Variants in DNAJC7 observed in about 807,000 individuals in gnomAD.
The protein encoded by DNAJC7 is dnaJ homolog subfamily C member 7.
In DNAJC7, 18 loss-of-function variants were observed where a neutral mutation model predicts 67.4. The observed-to-expected ratio is 0.27, with a 90% CI of 0.18 to 0.40. The LOEUF is 0.40. DNAJC7 is among the 10% of genes least tolerant of loss of function. DNAJC7 has a pLI of 1.00. For synonymous variants in DNAJC7, 220 were observed against 207.8 expected (o/e 1.06, Z -0.50); for missense variants, 419 against 613.8 (o/e 0.68, Z 3.35).
intron 1 of DNAJC7, among the ~76,000 whole-genome samples, chr17:42,006,817 A>AAAAAAAAAAAAC (rs1567969054): frequency 8.1e-6 from 1 of 122,816 alleles, no homozygotes; most frequent in Non-Finnish European, 1.7e-5. Context: ...AAAAAAAAAA[A>AAAAAAAAAAAAC]AGTCCAGGCA....
Position 41,996,299 on chromosome 17 carries a change from T to G in DNAJC7, c.405+12A>C. The G allele has an allele frequency of 1.2e-6, 2 of 1,612,674 alleles. No individual in the cohort carries two copies. The highest frequency in any genetic ancestry group is 1.7e-6 in the Non-Finnish European group (2 of 1,179,478). On this transcript the variant is annotated intron_variant, in intron 4 of 13. Coordinates refer to ENST00000457167, the MANE Select transcript of DNAJC7 (RefSeq NM_003315.4). ...ACTGCCTCTTTTGACAGAAACAGGA[T>G]CAGACCCGTACCTCTTGTTGTGCCT...
At position 42,010,360 on chromosome 17, in the gene DNAJC7, C is replaced by T. The variant is rs983107306; in HGVS notation, c.77+6980G>A. Among the ~76,000 whole-genome samples the T allele has an allele frequency of 5.6e-4, 84 of 150,686 alleles. 1 individual carries two copies. Among genetic ancestry groups the T allele is most frequent in the Non-Finnish European group, 3.5e-4 (24 of 67,822 alleles). ...ATACAAAATTAGCCGGGCGTGGTGG[C>T]GCATGCCTGTAATTCCAGCTACTCA... On this transcript the variant is annotated intron_variant, in intron 1 of 13. Transcript: ENST00000457167.
intron 5 of DNAJC7, among the ~76,000 whole-genome samples, chr17:41,994,455 C>T (rs1305788566): frequency 5.7e-5 from 8 of 139,248 alleles, no homozygotes; most frequent in Non-Finnish European, 1.1e-4. Context: ...CGTTTGAACC[C>T]GGGAGGCGGA....
intron 1 of DNAJC7, among the ~76,000 whole-genome samples, chr17:42,007,194 T>G (rs1401179880): frequency 6.6e-6 from 1 of 152,190 alleles, no homozygotes; most frequent in African/African-American, 2.4e-5. Flanking sequence ...ATATCCCTTA[T>G]GCATTCCTCT....
intron 13 of DNAJC7, 103 bp from the exon 14 acceptor site, chr17:41,976,873 C>G (rs782582576): frequency 4.5e-5 from 65 of 1,430,090 alleles, no homozygotes; most frequent in Non-Finnish European, 6.0e-5. Flanking sequence ...CAAACTCAAA[C>G]ACAGAGAGAA....
At chr17:41,997,596 CA>C (rs1176700424) in intron 2 of DNAJC7, among the ~76,000 whole-genome samples, 1 of 151,998 alleles carries the variant, frequency 6.6e-6, no homozygotes, top group East Asian at 1.9e-4. Context: ...GACCCTGTCT[CA>C]AAAAACAAAC....
rs1481088754 is a variant in DNAJC7 at position 41,982,086 on chromosome 17, T to G, written c.1232-79A>C. ...AAAGTTTAAGAGAAAAACTACTTTCTGTCTAATTTTGGAATTTGGCACTTC... is the reference window on the plus strand; with the variant it reads ...AAAGTTTAAGAGAAAAACTACTTTCGGTCTAATTTTGGAATTTGGCACTTC... On this transcript the variant is annotated intron_variant, in intron 11 of 13. Coordinates refer to ENST00000457167, the MANE Select transcript of DNAJC7 (RefSeq NM_003315.4). 4.4e-6 allele frequency: 7 copies of G among 1,575,326 alleles called. No individual in the cohort carries two copies. In the East Asian group the frequency reaches 1.3e-4, roughly 30 times the overall value.
At chr17:41,994,749 A>C in intron 5 of DNAJC7, 121 bp downstream of exon 5, 1 of 752,868 alleles carries the variant, frequency 1.3e-6, no homozygotes, top group Non-Finnish European at 2.2e-6. Context: ...GCCTAATTTA[A>C]GTGATAATTT....
intron 5 of DNAJC7, among the ~76,000 whole-genome samples, chr17:41,992,251 C>T (rs1224545293): frequency 6.6e-6 from 1 of 152,156 alleles, no homozygotes; most frequent in Non-Finnish European, 1.5e-5. Context: ...TGGCTCACTG[C>T]AACCTCTGCC....
At chr17:41,977,836 A>G (rs1427531911) in intron 12 of DNAJC7, 1 of 153,168 alleles carries the variant, frequency 6.5e-6, no homozygotes, top group African/African-American at 2.4e-5. Flanking sequence ...CACACCTATA[A>G]TCCCAGTGCT....
intron 11 of DNAJC7, 26 bp downstream of exon 11, chr17:41,982,229 G>C: frequency 6.2e-7 from 1 of 1,613,326 alleles, no homozygotes; most frequent in Non-Finnish European, 8.5e-7. Flanking sequence ...TCTTCCCACT[G>C]AGCCCACTCC....
At chr17:42,017,179 G>A in intron 1 of DNAJC7, 161 bp downstream of exon 1, 2 of 1,541,434 alleles carry the variant, frequency 1.3e-6, no homozygotes, top group Admixed American at 2.0e-5. Flanking sequence ...CCCCAAGAGC[G>A]CCCCTTCAGG....
intron 1 of DNAJC7, among the ~76,000 whole-genome samples, chr17:42,008,511 G>A (rs566458076): frequency 1.7e-4 from 25 of 151,458 alleles, no homozygotes; most frequent in Admixed American, 1.3e-3. Context: ...CTAGGTTCAC[G>A]CCATTCTCCT....
intron 4 of DNAJC7, among the ~76,000 whole-genome samples, chr17:41,995,274 A>C (rs782572104): frequency 1.3e-5 from 2 of 152,230 alleles, no homozygotes; most frequent in African/African-American, 4.8e-5. Flanking sequence ...GATACAGTCA[A>C]GACTTCTTAA....
chr17:41,981,809 A>G, intron 12 of DNAJC7, 46 bp downstream of exon 12: 2 of 1,596,632 alleles, frequency 1.3e-6, no homozygotes, highest in Non-Finnish European at 8.5e-7. Context: ...AAATTCTAAC[A>G]TTCTACAGCT....
In DNAJC7 at chr17:41,976,576, C is replaced by T; in HGVS notation, c.*157G>A. On this transcript the variant is annotated 3_prime_UTR_variant, in exon 14 of 14. Transcript: ENST00000457167. ...CGGTCTTCGGCATTGGTTCCCTTTG[C>T]TCCACCCCACTCACAGAGACACAGG... 1.1e-5 allele frequency: 10 copies of T among 920,366 alleles called. No individual in the cohort carries two copies. Among genetic ancestry groups the T allele is most frequent in the Non-Finnish European group, 1.4e-5 (9 of 629,286 alleles). 57.0% of individuals were successfully genotyped at this position (920,366 alleles called of 1,614,324 possible).
chr17:41,996,346 C>G lies in DNAJC7; in HGVS notation c.370G>C (p.Glu124Gln), dbSNP rs781847550. The G allele has an allele frequency of 4.3e-6, 7 of 1,613,978 alleles. No homozygotes were observed. In the South Asian group the frequency reaches 7.7e-5, roughly 18 times the overall value. ...AACRSFQRAL[E>Q]LDHKNAQAQQ... is the part of the protein sequence containing the mutation. The stretch of plus-strand genomic sequence containing the variant: ...GCCTGAGCATTTTTATGATCCAGTT[C>G]TAGGGCTCTCTGGAAGCTGCGACAT... Residue 124 changes from glutamate (E) to glutamine (Q), a missense_variant, in exon 4 of 14, where the codon GAA becomes CAA. Physicochemically the swap from Glu to Gln is conservative, Grantham distance 29. This residue lies in a region of DNAJC7 where 179 missense variants were observed against 249.7 expected (regional missense o/e 0.72). Transcript: ENST00000457167.
chr17:42,011,969 C>T (rs553359953), intron 1 of DNAJC7, among the ~76,000 whole-genome samples: 9 of 152,304 alleles, frequency 5.9e-5, no homozygotes, highest in African/African-American at 1.9e-4. Flanking sequence ...AAGGCAAAAT[C>T]CTAATCGCAA....
intron 4 of DNAJC7, among the ~76,000 whole-genome samples, chr17:41,995,248 A>G (rs2051624191): frequency 6.6e-6 from 1 of 152,198 alleles, no homozygotes; most frequent in Non-Finnish European, 1.5e-5. Flanking sequence ...GACATTTCAC[A>G]AATCAAATTG....
Sources: gnomAD v4.1 joint callset for allele counts (sites outside exome capture counted in the v4.1 genomes callset) on GRCh38, gnomAD v4.1.1 for gene constraint, gnomAD v4.1.1 regional missense constraint, MANE v1.5 for transcripts, NCBI Gene and HGNC (gene_info 2026-07-23, HGNC 2026-07-21) for gene names.